The following F2R variants were observed in gnomAD, a reference collection of about 807,000 sequenced individuals.
F2R encodes the protein proteinase-activated receptor 1.
Under a neutral mutation model 18.3 loss-of-function variants are expected in F2R, and 12 were observed. The ratio of observed to expected loss-of-function variants is 0.66; its 90% CI spans 0.42 to 1.06. F2R has a LOEUF of 1.06. F2R is among the 50% of genes least tolerant of loss of function. The pLI is 0.00. For missense variants in F2R, 438 were observed against 530.8 expected, an observed-to-expected ratio of 0.83 and a Z score of 1.72; for synonymous variants, 210 against 219.9, an observed-to-expected ratio of 0.95 and a Z score of 0.40.
At chr5:76,730,307 T>G (rs1748646643) in intron 1 of F2R, among the ~76,000 whole-genome samples, 1 of 152,172 alleles carries the variant, frequency 6.6e-6, no homozygotes. Flanking sequence ...GGGCTCCCCC[T>G]CTCTGACTTT....
chr5:76,721,419 T>C (rs1427307843), intron 1 of F2R, among the ~76,000 whole-genome samples: 3 of 152,344 alleles, frequency 2.0e-5, no homozygotes, highest in Non-Finnish European at 4.4e-5. Context: ...ACACTGACCT[T>C]GTCGTGGTAC....
chr5:76,731,876 G>T (rs1404675138), intron 1 of F2R, among the ~76,000 whole-genome samples: 1 of 152,162 alleles, frequency 6.6e-6, no homozygotes, highest in Non-Finnish European at 1.5e-5. Context: ...AAAGGGACAG[G>T]TTTCATGGGA....
At chr5:76,720,560 AT>A (rs1748429962) in intron 1 of F2R, among the ~76,000 whole-genome samples, 1 of 152,172 alleles carries the variant, frequency 6.6e-6, no homozygotes, top group Non-Finnish European at 1.5e-5. Flanking sequence ...TATACAATTC[AT>A]TGGTATTTAG....
chr5:76,732,347 G>T lies in F2R; in HGVS notation c.122G>T (p.Arg41Leu). The T allele has an allele frequency of 6.2e-7, 1 of 1,609,916 alleles. No homozygotes were observed. The highest frequency in any genetic ancestry group is 1.1e-5 in the South Asian group (1 of 89,568). ...GCAACAAATGCCACCTTAGATCCCC[G>T]GTCATTTCTTCTCAGGAACCCCAAT... is the stretch of plus-strand genomic sequence containing the variant. The part of the protein sequence containing the change: ...SKATNATLDP[R>L]SFLLRNPNDK... The change falls in exon 2 of 2, where the codon CGG (arginine) becomes CTG (leucine). Residue 41 changes from arginine (R) to leucine (L), a missense_variant. Transcript: ENST00000319211.
chr5:76,719,485 A>G (rs1275190458), intron 1 of F2R, among the ~76,000 whole-genome samples: 1 of 152,140 alleles, frequency 6.6e-6, no homozygotes, highest in Non-Finnish European at 1.5e-5. Context: ...GCTACTTGGG[A>G]GGCTGAGGCA....
At position 76,733,463 on chromosome 5, in the gene F2R, G is replaced by C. The variant is rs762290716; in HGVS notation, c.1238G>C (p.Ser413Thr). Residue 413 changes from serine (S) to threonine (T), a missense_variant, in exon 2 of 2, where the codon AGT becomes ACT. By Grantham distance (58) the Ser-to-Thr change is moderately conservative. Coordinates refer to ENST00000319211, the MANE Select transcript of F2R (RefSeq NM_001992.5). ...LMASKMDTCS[S>T]NLNNSIYKKL... is the part of the protein sequence containing the mutation. ...GCAAGTAAAATGGATACCTGCTCTA[G>C]TAACCTGAATAACAGCATATACAAA... The C allele has an allele frequency of 1.9e-6, 3 of 1,614,004 alleles. No individual in the cohort carries two copies. In the South Asian group the frequency reaches 3.3e-5, roughly 18 times the overall value.
At chr5:76,716,446 G>T in intron 1 of F2R, 51 bp downstream of exon 1, 2 of 1,336,320 alleles carry the variant, frequency 1.5e-6, no homozygotes, top group Non-Finnish European at 9.7e-7. Context: ...GCCGAGGGGA[G>T]ACTGCGGGGG....
chr5:76,720,146 A>G (rs1297679820), intron 1 of F2R, among the ~76,000 whole-genome samples: 4 of 152,130 alleles, frequency 2.6e-5, no homozygotes, highest in Admixed American at 1.3e-4. Context: ...TATAGAACAT[A>G]CCAGCATAGC....
chr5:76,733,697 C>A lies in F2R; in HGVS notation c.*194C>A. 1.7e-6 allele frequency: 1 copy of A among 573,822 alleles called. No homozygotes were observed. Among genetic ancestry groups the A allele is most frequent in the Admixed American group, 3.3e-5 (1 of 30,414 alleles). 35.5% of individuals were successfully genotyped at this position (573,822 alleles called of 1,614,324 possible). ...CCAGAAAGATAACAGGACGAGATGA[C>A]GGTGTTATTCCAAGGGAATATTGCC... On this transcript the variant is annotated 3_prime_UTR_variant, in exon 2 of 2. Transcript: ENST00000319211.
chr5:76,718,259 A>G (rs1197943422), intron 1 of F2R, among the ~76,000 whole-genome samples: 1 of 152,196 alleles, frequency 6.6e-6, no homozygotes, highest in East Asian at 1.9e-4. Flanking sequence ...GGTGCAAGCA[A>G]TTAGGAATAA....
At chr5:76,719,282 A>G (rs1193717781) in intron 1 of F2R, among the ~76,000 whole-genome samples, 1 of 152,234 alleles carries the variant, frequency 6.6e-6, no homozygotes, top group African/African-American at 2.4e-5. Context: ...TGGTTAAGTC[A>G]CAAGTTGAGA....
chr5:76,728,001 C>T (rs1012951779), intron 1 of F2R, among the ~76,000 whole-genome samples: 3 of 151,710 alleles, frequency 2.0e-5, no homozygotes, highest in African/African-American at 7.3e-5. Flanking sequence ...TGTCCTCCCA[C>T]CTGGGCTTCC....
intron 1 of F2R, 75 bp from the exon 2 acceptor site, chr5:76,732,239 C>A: frequency 8.7e-7 from 1 of 1,151,364 alleles, no homozygotes; most frequent in Non-Finnish European, 1.2e-6. Context: ...GTAAAATATG[C>A]TCTCTGCTTG....
Position 76,716,468 on chromosome 5 carries a change from C to G in F2R, c.88+73C>G, listed in dbSNP as rs45558635. 3.7e-3 allele frequency: 4,590 copies of G among 1,226,976 alleles called. 11 individuals are homozygous for G. Among genetic ancestry groups the G allele is most frequent in the Non-Finnish European group, 4.4e-3 (4,055 of 926,400 alleles). The allele number at this position is 1,226,976 out of a possible 1,614,324, so 76.0% of individuals were successfully genotyped here. A position where few individuals can be genotyped will look rare whatever the true frequency, so the allele number is the denominator to read the frequency against. Reference sequence around the variant, plus strand: ...GGAGACTGCGGGGGTCACTGTTGCGCCTTCTCCTCACCCCTGCCTCAGTTT... The same window carrying G: ...GGAGACTGCGGGGGTCACTGTTGCGGCTTCTCCTCACCCCTGCCTCAGTTT... On this transcript the variant is annotated intron_variant, in intron 1 of 1. Coordinates refer to ENST00000319211, the MANE Select transcript of F2R (RefSeq NM_001992.5).
At chr5:76,719,088 G>GCCCTCCCCATATCCCATA (rs1748399217) in intron 1 of F2R, among the ~76,000 whole-genome samples, 1 of 152,132 alleles carries the variant, frequency 6.6e-6, no homozygotes, top group South Asian at 2.1e-4. Context: ...TGGCCAGAAT[G>GCCCTCCCCATATCCCATA]CCCTCCCCAT....
At chr5:76,721,721 G>C (rs1034605049) in intron 1 of F2R, among the ~76,000 whole-genome samples, 1 of 152,226 alleles carries the variant, frequency 6.6e-6, no homozygotes, top group African/African-American at 2.4e-5. Flanking sequence ...TGGTAGGGAT[G>C]TGTGTTTTCA....
chr5:76,731,507 A>C (rs1004937462), intron 1 of F2R, among the ~76,000 whole-genome samples: 4 of 144,148 alleles, frequency 2.8e-5, no homozygotes, highest in Non-Finnish European at 6.1e-5. Context: ...AATCCCCTCT[A>C]CTTTTTTTTT....
At chr5:76,721,904 C>T (rs1449449460) in intron 1 of F2R, among the ~76,000 whole-genome samples, 1 of 151,914 alleles carries the variant, frequency 6.6e-6, no homozygotes, top group Non-Finnish European at 1.5e-5. Flanking sequence ...ATTTTTAATG[C>T]TTATTGCAAT....
At position 76,733,119 on chromosome 5, in the gene F2R, C is replaced by T; in HGVS notation, c.894C>T (p.Ser298=). The change falls in exon 2 of 2, where the codon AGC becomes AGT. Residue 298 remains serine, a synonymous_variant. Transcript: ENST00000319211. ...ATGTGTCTATCATTCGATGTCTTAGCTCTTCCGCAGTTGCCAACCGCAGCA... is the reference window on the plus strand; with the variant it reads ...ATGTGTCTATCATTCGATGTCTTAGTTCTTCCGCAGTTGCCAACCGCAGCA... ...VCYVSIIRCL[S]SSAVANRSKK... 1 of 1,614,210 alleles carries T rather than the reference C, an allele frequency of 6.2e-7. No individual in the cohort carries two copies. The highest frequency in any genetic ancestry group is 8.5e-7 in the Non-Finnish European group (1 of 1,180,038).
Sources: gnomAD v4.1 joint callset for allele counts (sites outside exome capture counted in the v4.1 genomes callset) on GRCh38, gnomAD v4.1.1 for gene constraint, MANE v1.5 for transcripts, NCBI Gene and HGNC (gene_info 2026-07-23, HGNC 2026-07-21) for gene names.